The following GALNTL6 variants were observed in gnomAD, a reference collection of about 807,000 sequenced individuals.
GALNTL6 encodes polypeptide N-acetylgalactosaminyltransferase-like 6.
A neutral mutation model predicts 73.7 loss-of-function variants in GALNTL6; 46 were observed. The observed-to-expected ratio is 0.62, with a 90% CI of 0.49 to 0.80. The LOEUF (loss-of-function observed/expected upper bound fraction) is 0.80. Among genes scored for constraint, GALNTL6 ranks in the 30% least tolerant of loss-of-function variants. The pLI, the probability that GALNTL6 is intolerant of heterozygous loss-of-function variation, is 0.00. For synonymous variants in GALNTL6, 259 were observed against 263.7 expected (o/e 0.98, Z 0.17); for missense variants, 604 against 755.0 (o/e 0.80, Z 2.34).
At chr4:171,836,559 C>T (rs1326167502) in intron 2 of GALNTL6, among the ~76,000 whole-genome samples, 3 of 152,228 alleles carry the variant, frequency 2.0e-5, no homozygotes, top group Non-Finnish European at 2.9e-5. Flanking sequence ...AATGCTCCTC[C>T]TTTCTAGTTC....
In GALNTL6 at chr4:172,206,805, G is replaced by GTTTGTTTTTTTTTTTTTTTTTTTTTT. The variant is rs1554003003; in HGVS notation, c.139-22848_139-22847insGTTTTTTTTTTTTTTTTTTTTTTTTT. On this transcript the variant is annotated intron_variant, in intron 2 of 12. Transcript: ENST00000506823. ...TTGTTTTGTTTTGTTTTGTTTTTCT[G>GTTTGTTTTTTTTTTTTTTTTTTTTTT]TTTTTTTTGTTTGTTTTTTTTTTTT... Among the ~76,000 whole-genome samples, 17 of 26,128 alleles carry GTTTGTTTTTTTTTTTTTTTTTTTTTT rather than the reference G, an allele frequency of 6.5e-4. 1 individual carries two copies. The highest frequency in any genetic ancestry group is 2.0e-3 in the Admixed American group (3 of 1,492). The allele number at this position is 26,128 out of a possible 152,430, so 17.1% of individuals were successfully genotyped here.
intron 10 of GALNTL6, among the ~76,000 whole-genome samples, chr4:173,004,636 C>A (rs1752193747): frequency 6.6e-6 from 1 of 152,016 alleles, no homozygotes; most frequent in African/African-American, 2.4e-5. Context: ...AACTAACTAA[C>A]TAACTAAATA....
chr4:172,896,490 G>A (rs1328599169), intron 8 of GALNTL6, among the ~76,000 whole-genome samples: 1 of 152,182 alleles, frequency 6.6e-6, no homozygotes, highest in Non-Finnish European at 1.5e-5. Context: ...TGGAAACTCT[G>A]GACAGGGGTT....
At chr4:172,455,184 A>G (rs1363503228) in intron 5 of GALNTL6, among the ~76,000 whole-genome samples, 1 of 152,196 alleles carries the variant, frequency 6.6e-6, no homozygotes, top group Admixed American at 6.5e-5. Context: ...TGGCCCAGCT[A>G]CTACACTTTT....
intron 2 of GALNTL6, among the ~76,000 whole-genome samples, chr4:171,974,352 G>C (rs1014002674): frequency 1.3e-5 from 2 of 152,128 alleles, no homozygotes; most frequent in Non-Finnish European, 2.9e-5. Flanking sequence ...CATAGCAGCT[G>C]AAGTCGACCA....
chr4:172,606,630 CTATATATAT>C (rs1738295887), intron 5 of GALNTL6, among the ~76,000 whole-genome samples: 25 of 37,560 alleles, frequency 6.7e-4, no homozygotes, highest in Admixed American at 5.8e-3. Flanking sequence ...TATATATATA[CTATATATAT>C]ACTATATATA....
At chr4:172,161,058 C>G (rs1734450405) in intron 2 of GALNTL6, among the ~76,000 whole-genome samples, 1 of 151,660 alleles carries the variant, frequency 6.6e-6, no homozygotes, top group Non-Finnish European at 1.5e-5. Flanking sequence ...ATCCTTGAAT[C>G]TTTGATAAAG....
intron 7 of GALNTL6, among the ~76,000 whole-genome samples, chr4:172,853,618 AACCC>A (rs1743957603): frequency 6.6e-6 from 1 of 152,162 alleles, no homozygotes; most frequent in Admixed American, 6.6e-5. Context: ...CTTCCCCAAC[AACCC>A]ATTCACTCAT....
At chr4:172,438,263 C>G (rs1444507481) in intron 5 of GALNTL6, among the ~76,000 whole-genome samples, 1 of 152,112 alleles carries the variant, frequency 6.6e-6, no homozygotes, top group Non-Finnish European at 1.5e-5. Context: ...ATGACTTCCA[C>G]TCACCTTCAG....
Position 172,504,413 on chromosome 4 carries a change from G to A in GALNTL6, c.553+155724G>A, listed in dbSNP as rs1167167098. Among the ~76,000 whole-genome samples the A allele has an allele frequency of 3.8e-5, 2 of 51,980 alleles. 1 individual carries two copies. Among genetic ancestry groups the A allele is most frequent in the Non-Finnish European group, 8.7e-5 (2 of 23,092 alleles). 34.1% of individuals were successfully genotyped at this position (51,980 alleles called of 152,430 possible). On this transcript the variant is annotated intron_variant, in intron 5 of 12. Coordinates refer to ENST00000506823, the MANE Select transcript of GALNTL6 (RefSeq NM_001034845.3). ...ACTTAGTCTATGGAAGGTAGTTTTG[G>A]AGCAAGGTGCCCATCAAGATTAGGT...
intron 8 of GALNTL6, among the ~76,000 whole-genome samples, chr4:172,883,998 G>T (rs528396462): frequency 6.6e-6 from 1 of 152,056 alleles, no homozygotes; most frequent in South Asian, 2.1e-4. Context: ...ATATTCCATT[G>T]TGTATATATA....
intron 7 of GALNTL6, among the ~76,000 whole-genome samples, chr4:172,842,956 G>A (rs188737689): frequency 3.5e-4 from 54 of 152,244 alleles, no homozygotes; most frequent in Non-Finnish European, 5.1e-4. Flanking sequence ...AACGACTTCC[G>A]CAAGGCTTGC....
chr4:172,834,272 G>A (rs1166139383), intron 7 of GALNTL6, among the ~76,000 whole-genome samples: 4 of 152,200 alleles, frequency 2.6e-5, no homozygotes, highest in African/African-American at 7.2e-5. Context: ...TAAAAGAAAC[G>A]CTGAGAACCA....
At chr4:171,974,134 G>C (rs1224963864) in intron 2 of GALNTL6, among the ~76,000 whole-genome samples, 19 of 151,996 alleles carry the variant, frequency 1.3e-4, no homozygotes, top group Admixed American at 1.2e-3. Flanking sequence ...CAAGTAGCTG[G>C]GACTACAGGC....
At chr4:172,156,538 A>AG (rs1476757351) in intron 2 of GALNTL6, among the ~76,000 whole-genome samples, 3 of 71,682 alleles carry the variant, frequency 4.2e-5, no homozygotes, top group Admixed American at 1.7e-4. Context: ...ACATATATAT[A>AG]TAATATATAT....
At chr4:172,225,038 T>C (rs1312260713) in intron 2 of GALNTL6, among the ~76,000 whole-genome samples, 2 of 152,102 alleles carry the variant, frequency 1.3e-5, no homozygotes, top group Non-Finnish European at 2.9e-5. Context: ...GAATAGTGCT[T>C]ACAAGTAAAT....
chr4:172,286,285 G>A (rs552120168), intron 3 of GALNTL6, among the ~76,000 whole-genome samples: 5 of 152,016 alleles, frequency 3.3e-5, no homozygotes, highest in African/African-American at 4.8e-5. Flanking sequence ...AGCATCAGCC[G>A]GGTGCTACAC....
intron 5 of GALNTL6, among the ~76,000 whole-genome samples, chr4:172,522,669 C>G (rs924886116): frequency 6.1e-5 from 4 of 65,780 alleles, no homozygotes; most frequent in Middle Eastern, 6.0e-3. Context: ...ACTCAGTCCC[C>G]CCCCCCCCCA....
rs115166382 is a variant in GALNTL6 at position 171,838,993 on chromosome 4, T to G, written c.138+24275T>G. ...AGTTTCCCGGTTTTATACTGAGTAT[T>G]CTGATGTAGAGCATTCCAAGGCATG... On this transcript the variant is annotated intron_variant, in intron 2 of 12. Transcript: ENST00000506823. 4.2e-3 allele frequency among the ~76,000 whole-genome samples: 638 copies of G among 152,246 alleles called. 3 individuals are homozygous for G. The highest frequency in any genetic ancestry group is 0.015 in the African/African-American group (606 of 41,562).
Sources: allele counts gnomAD v4.1 joint callset (sites outside exome capture counted in the v4.1 genomes callset), GRCh38; gene constraint gnomAD v4.1.1; transcripts MANE v1.5; gene names NCBI Gene and HGNC (gene_info 2026-07-23, HGNC 2026-07-21).